Variants in PTPRT observed in about 807,000 individuals in gnomAD.
The protein encoded by PTPRT is receptor-type tyrosine-protein phosphatase T.
In PTPRT, 56 loss-of-function variants were observed where a neutral mutation model predicts 176.8. The ratio of observed to expected loss-of-function variants is 0.32; its 90% confidence interval spans 0.26 to 0.40. The LOEUF (loss-of-function observed/expected upper bound fraction) is 0.40. Ranked by LOEUF, PTPRT falls within the 10% of genes least tolerant of loss-of-function variation. PTPRT has a pLI of 1.00. For synonymous variants in PTPRT, 783 were observed against 739.0 expected, an observed-to-expected ratio of 1.06 and a Z score of -0.96; for missense variants, 1,540 against 1,908.2, an observed-to-expected ratio of 0.81 and a Z score of 3.60.
rs368310879 is a variant in PTPRT, at chr20:42,918,743, G to A, written c.89-32811C>T. Among the ~76,000 whole-genome samples, 242 of 152,260 alleles carry A rather than the reference G, an allele frequency of 1.6e-3. 3 individuals carry two copies. Among genetic ancestry groups the A allele is most frequent in the African/African-American group, 5.7e-3 (236 of 41,546 alleles). On this transcript the variant is annotated intron_variant, in intron 1 of 30. Transcript: ENST00000373187. Reference sequence around the variant, plus strand: ...CATTTGAGAGTTCAACCGTTTATGAGGCATGCTGCAATCAGGGGTCAGACA... The same window carrying A: ...CATTTGAGAGTTCAACCGTTTATGAAGCATGCTGCAATCAGGGGTCAGACA...
chr20:42,315,135 G>A (rs902846818), intron 12 of PTPRT, among the ~76,000 whole-genome samples: 7 of 77,536 alleles, frequency 9.0e-5, no homozygotes, highest in Non-Finnish European at 1.7e-4. Flanking sequence ...CCGAGATTGC[G>A]CCACTGCAGT....
chr20:42,663,630 T>A (rs548305613), intron 7 of PTPRT, among the ~76,000 whole-genome samples: 1 of 152,308 alleles, frequency 6.6e-6, no homozygotes, highest in South Asian at 2.1e-4. Context: ...TGGTCAATAC[T>A]TCATAGATTT....
intron 1 of PTPRT, among the ~76,000 whole-genome samples, chr20:42,891,938 G>A (rs1025723067): frequency 4.6e-5 from 7 of 152,196 alleles, no homozygotes; most frequent in African/African-American, 1.4e-4. Context: ...CACAGCCTCT[G>A]TCACAACTAC....
At chr20:42,069,105 G>C (rs531057331), downstream of PTPRT, among the ~76,000 whole-genome samples, 9 of 152,224 alleles carry the variant, frequency 5.9e-5, no homozygotes, top group Non-Finnish European at 1.2e-4. Flanking sequence ...GAGAAAACTT[G>C]TTTATATAAT....
intron 7 of PTPRT, among the ~76,000 whole-genome samples, chr20:42,620,127 T>A (rs967604812): frequency 2.0e-5 from 3 of 147,800 alleles, no homozygotes; most frequent in Non-Finnish European, 4.5e-5. Context: ...TCGGTGTGGA[T>A]GTCCTTTCTG....
At chr20:42,692,309 C>T (rs1224022542) in intron 6 of PTPRT, among the ~76,000 whole-genome samples, 1 of 152,166 alleles carries the variant, frequency 6.6e-6, no homozygotes, top group Non-Finnish European at 1.5e-5. Flanking sequence ...ATTGTATTAC[C>T]AAGCCAATCC....
chr20:42,931,020 C>T (rs553345633), intron 1 of PTPRT, among the ~76,000 whole-genome samples: 1 of 152,292 alleles, frequency 6.6e-6, no homozygotes, highest in Admixed American at 6.5e-5. Flanking sequence ...ACCCCCTCCC[C>T]ATCTTAGCCA....
At chr20:43,061,558 G>T (rs2146253664) in intron 1 of PTPRT, among the ~76,000 whole-genome samples, 1 of 152,320 alleles carries the variant, frequency 6.6e-6, no homozygotes, top group Non-Finnish European at 1.5e-5. Flanking sequence ...CAGCTCTACT[G>T]CTATGAAGTG....
chr20:43,140,260 T>C (rs1477015173), intron 1 of PTPRT, among the ~76,000 whole-genome samples: 1 of 152,216 alleles, frequency 6.6e-6, no homozygotes, highest in Non-Finnish European at 1.5e-5. Flanking sequence ...GCTTTCTCTT[T>C]AATGGTATTT....
intron 6 of PTPRT, among the ~76,000 whole-genome samples, chr20:42,704,681 T>A (rs1490350721): frequency 6.6e-6 from 1 of 152,056 alleles, no homozygotes; most frequent in Non-Finnish European, 1.5e-5. Context: ...CCCTCATGCC[T>A]CTCTGCTACT....
intron 6 of PTPRT, among the ~76,000 whole-genome samples, chr20:42,682,598 C>T (rs1355475245): frequency 3.3e-5 from 5 of 152,180 alleles, no homozygotes; most frequent in African/African-American, 1.2e-4. Context: ...ACAAAGTTTG[C>T]AACTAAATTA....
intron 7 of PTPRT, among the ~76,000 whole-genome samples, chr20:42,541,185 T>C (rs1463288827): frequency 6.6e-6 from 1 of 152,160 alleles, no homozygotes; most frequent in Admixed American, 6.5e-5. Flanking sequence ...TTAATTCCAA[T>C]TTAATGTGAT....
chr20:42,544,275 C>T (rs1161112340), intron 7 of PTPRT, among the ~76,000 whole-genome samples: 1 of 152,202 alleles, frequency 6.6e-6, no homozygotes, highest in Non-Finnish European at 1.5e-5. Flanking sequence ...TGCTGAATAA[C>T]TTGCTACAGC....
At chr20:42,336,893 C>T (rs1038566583) in intron 11 of PTPRT, among the ~76,000 whole-genome samples, 4 of 152,086 alleles carry the variant, frequency 2.6e-5, no homozygotes, top group African/African-American at 9.7e-5. Flanking sequence ...AAATAGAAAC[C>T]TGAGAGAAAC....
At chr20:43,006,898 T>G (rs1447699414) in intron 1 of PTPRT, among the ~76,000 whole-genome samples, 3 of 151,592 alleles carry the variant, frequency 2.0e-5, no homozygotes, top group Non-Finnish European at 4.4e-5. Flanking sequence ...CAATGTAGAG[T>G]CTGCACAGAA....
chr20:43,129,820 G>A (rs552882810), intron 1 of PTPRT, among the ~76,000 whole-genome samples: 2 of 151,322 alleles, frequency 1.3e-5, no homozygotes, highest in Admixed American at 1.3e-4. Context: ...GGGTTTCACC[G>A]TTTTAGCCGG....
chr20:42,966,387 C>T (rs1254692410), intron 1 of PTPRT: 1 of 152,094 alleles, frequency 6.6e-6, no homozygotes, highest in African/African-American at 2.4e-5. Flanking sequence ...TTGTAGAAAT[C>T]CCTCTTTCCT....
chr20:42,708,181 C>CA (rs2146190130), intron 6 of PTPRT, among the ~76,000 whole-genome samples: 1 of 152,132 alleles, frequency 6.6e-6, no homozygotes, highest in South Asian at 2.1e-4. Context: ...GTGGATAAAA[C>CA]AAAAAATCAA....
intron 1 of PTPRT, among the ~76,000 whole-genome samples, chr20:43,101,020 A>G (rs573298205): frequency 1.7e-4 from 26 of 152,284 alleles, no homozygotes. Flanking sequence ...GATAATAGGC[A>G]CGTTTAAGAA....
Sources: gnomAD v4.1 joint callset for allele counts (sites outside exome capture counted in the v4.1 genomes callset) on GRCh38, gnomAD v4.1.1 for gene constraint, MANE v1.5 for transcripts, NCBI Gene and HGNC (gene_info 2026-07-23, HGNC 2026-07-21) for gene names.